SLC22A3: variants seen among roughly 807,000 people sequenced by gnomAD.
SLC22A3 encodes EMT organic cation transporter 3.
Under a neutral mutation model 59.1 loss-of-function variants are expected in SLC22A3, and 51 were observed. The ratio of observed to expected loss-of-function variants is 0.86; its 90% CI spans 0.69 to 1.09. SLC22A3 has a LOEUF of 1.09. SLC22A3 is among the 50% of genes least tolerant of loss of function. The pLI is 0.00. For synonymous variants in SLC22A3, 325 were observed against 292.0 expected, an observed-to-expected ratio of 1.11 and a Z score of -1.15; for missense variants, 711 against 726.3, an observed-to-expected ratio of 0.98 and a Z score of 0.24.
At chr6:160,386,930 A>C (rs1287612999) in intron 1 of SLC22A3, among the ~76,000 whole-genome samples, 1 of 152,118 alleles carries the variant, frequency 6.6e-6, no homozygotes, top group Non-Finnish European at 1.5e-5. Flanking sequence ...CCGCTTGGCC[A>C]CCTCACTGTC....
chr6:160,435,117 G>C (rs1788289806), intron 5 of SLC22A3, among the ~76,000 whole-genome samples: 1 of 152,186 alleles, frequency 6.6e-6, no homozygotes, highest in Non-Finnish European at 1.5e-5. Flanking sequence ...GCCACTCACA[G>C]TTGAAAAAGA....
intron 5 of SLC22A3, among the ~76,000 whole-genome samples, chr6:160,413,037 A>C (rs1208144258): frequency 6.6e-6 from 1 of 151,858 alleles, no homozygotes; most frequent in Non-Finnish European, 1.5e-5. Context: ...AGAAAGGAAT[A>C]TAGAAAAATA....
rs368847225 is a variant in SLC22A3, at chr6:160,348,861, C to T, written c.429+13C>T. On this transcript the variant is annotated intron_variant, in intron 1 of 10. Transcript: ENST00000275300. ...CATCGTCAGCGAGGTAAGGGCGCCC[C>T]GGCCCTTTGGAAGCCGGCGGGAGAG... 2,858 of 1,571,362 alleles carry T rather than the reference C, an allele frequency of 1.8e-3. 2 individuals are homozygous for T. The highest frequency in any genetic ancestry group is 2.2e-3 in the Non-Finnish European group (2,540 of 1,166,978).
At chr6:160,361,511 T>C (rs1785011445) in intron 1 of SLC22A3, among the ~76,000 whole-genome samples, 4 of 152,342 alleles carry the variant, frequency 2.6e-5, no homozygotes, top group Middle Eastern at 6.8e-3. Flanking sequence ...GTACAATGCA[T>C]ATTGAAGCCA....
intron 1 of SLC22A3, among the ~76,000 whole-genome samples, chr6:160,364,651 C>T (rs1403272734): frequency 6.6e-6 from 1 of 152,130 alleles, no homozygotes; most frequent in Admixed American, 6.5e-5. Flanking sequence ...AAATTGTTAC[C>T]TAGTTGTCCA....
chr6:160,381,002 C>T (rs151120113), intron 1 of SLC22A3, among the ~76,000 whole-genome samples: 25 of 152,226 alleles, frequency 1.6e-4, no homozygotes, highest in African/African-American at 5.5e-4. Context: ...GGTGAATATG[C>T]CAGTGCAGCC....
At chr6:160,378,791 A>T (rs1203331200) in intron 1 of SLC22A3, among the ~76,000 whole-genome samples, 1 of 152,198 alleles carries the variant, frequency 6.6e-6, no homozygotes, top group Non-Finnish European at 1.5e-5. Context: ...CACAAAGCCT[A>T]TTTTGTAATA....
chr6:160,385,072 T>C (rs1785948107), intron 1 of SLC22A3, among the ~76,000 whole-genome samples: 1 of 152,250 alleles, frequency 6.6e-6, no homozygotes, highest in South Asian at 2.1e-4. Flanking sequence ...TCTCCAATGA[T>C]TCCTTTTTGC....
intron 1 of SLC22A3, among the ~76,000 whole-genome samples, chr6:160,381,323 G>A (rs968300045): frequency 1.3e-5 from 2 of 152,088 alleles, no homozygotes; most frequent in Non-Finnish European, 2.9e-5. Context: ...CACATTTTTG[G>A]AAGCATGCAT....
At chr6:160,352,188 C>T (rs1165287405) in intron 1 of SLC22A3, among the ~76,000 whole-genome samples, 1 of 152,208 alleles carries the variant, frequency 6.6e-6, no homozygotes, top group Non-Finnish European at 1.5e-5. Context: ...ACACCACCTT[C>T]GCATCTTACA....
At chr6:160,404,578 T>C (rs1786926105) in intron 2 of SLC22A3, among the ~76,000 whole-genome samples, 1 of 152,094 alleles carries the variant, frequency 6.6e-6, no homozygotes. Flanking sequence ...ATTTTGTGGA[T>C]ATTGACAAAC....
intron 5 of SLC22A3, among the ~76,000 whole-genome samples, chr6:160,417,118 T>C (rs1583493893): frequency 6.6e-6 from 1 of 152,354 alleles, no homozygotes; most frequent in East Asian, 1.9e-4. Flanking sequence ...AGTATCTCTC[T>C]GTAGGCAATA....
intron 7 of SLC22A3, among the ~76,000 whole-genome samples, chr6:160,442,516 C>T (rs1452194009): frequency 6.6e-6 from 1 of 152,208 alleles, no homozygotes; most frequent in East Asian, 1.9e-4. Context: ...ACAAACGGTT[C>T]TTGAATTGTA....
intron 1 of SLC22A3, among the ~76,000 whole-genome samples, chr6:160,372,267 C>T (rs1016403563): frequency 2.7e-4 from 41 of 152,020 alleles, no homozygotes; most frequent in African/African-American, 8.7e-4. Flanking sequence ...GGTTTAAAGT[C>T]TGTTATATGA....
At chr6:160,349,975 G>T (rs1784606616) in intron 1 of SLC22A3, among the ~76,000 whole-genome samples, 1 of 152,188 alleles carries the variant, frequency 6.6e-6, no homozygotes, top group Admixed American at 6.5e-5. Flanking sequence ...CGCTGTTGCT[G>T]TTGGTCTGGT....
chr6:160,427,518 CCCA>C (rs1788007291), intron 5 of SLC22A3, among the ~76,000 whole-genome samples: 1 of 152,194 alleles, frequency 6.6e-6, no homozygotes. Flanking sequence ...CCTGCCCACA[CCCA>C]ACAGCTGGAA....
chr6:160,354,824 T>C (rs1317821227), intron 1 of SLC22A3, among the ~76,000 whole-genome samples: 1 of 152,128 alleles, frequency 6.6e-6, no homozygotes, highest in African/African-American at 2.4e-5. Context: ...CTCTAAAGGC[T>C]GAGAATACCG....
At chr6:160,397,043 T>C (rs1450391354) in intron 1 of SLC22A3, among the ~76,000 whole-genome samples, 2 of 152,184 alleles carry the variant, frequency 1.3e-5, no homozygotes, top group Non-Finnish European at 1.5e-5. Flanking sequence ...ATTGGACACC[T>C]GATAGCATAT....
Position 160,437,108 on chromosome 6 carries a change from C to A in SLC22A3, c.1185C>A (p.Leu395=). 6.2e-7 allele frequency: 1 copy of A among 1,614,142 alleles called. No individual in the cohort carries two copies. The highest frequency in any genetic ancestry group is 8.5e-7 in the Non-Finnish European group (1 of 1,179,984). The change falls in exon 7 of 11, where the codon CTC becomes CTA. Residue 395 remains leucine (L), a synonymous_variant. Transcript: ENST00000275300. ...GCGTGGTGGAACTGCCAGGAGCTCT[C>A]TTGATCTTACTAACCATTGAGCGCC... is the stretch of plus-strand genomic sequence containing the variant. ...ISGVVELPGA[L]LILLTIERLG... is the part of the protein sequence containing the mutation.
Sources: gnomAD v4.1 joint callset for allele counts (sites outside exome capture counted in the v4.1 genomes callset) on GRCh38, gnomAD v4.1.1 for gene constraint, MANE v1.5 for transcripts, NCBI Gene and HGNC (gene_info 2026-07-23, HGNC 2026-07-21) for gene names.